DHX37: variants seen among roughly 807,000 people sequenced by gnomAD.
The protein encoded by DHX37 is probable ATP-dependent RNA helicase DHX37.
A neutral mutation model predicts 134.3 loss-of-function variants in DHX37; 52 were observed. The ratio of observed to expected loss-of-function variants is 0.39; its 90% CI spans 0.31 to 0.49. The LOEUF is 0.49. Ranked by LOEUF, DHX37 falls within the 20% of genes least tolerant of loss-of-function variation. DHX37 has a pLI of 0.93. For synonymous variants in DHX37, 634 were observed against 670.7 expected (o/e 0.95, Z 0.85); for missense variants, 1,344 against 1,580.8 (o/e 0.85, Z 2.54).
At chr12:124,954,416 G>GA (rs1434676512) in intron 18 of DHX37, among the ~76,000 whole-genome samples, 1 of 151,326 alleles carries the variant, frequency 6.6e-6, no homozygotes, top group Non-Finnish European at 1.5e-5. Flanking sequence ...TTTTTTTTGA[G>GA]ACAGAGTCTC....
At chr12:124,961,599 T>C (rs1954266736) in intron 15 of DHX37, among the ~76,000 whole-genome samples, 1 of 152,176 alleles carries the variant, frequency 6.6e-6, no homozygotes, top group Non-Finnish European at 1.5e-5. Context: ...CAGCTAATTT[T>C]TGTATTTTTA....
intron 4 of DHX37, among the ~76,000 whole-genome samples, 189 bp from the exon 5 acceptor site, chr12:124,977,679 A>T (rs1954674019): frequency 6.6e-6 from 1 of 152,146 alleles, no homozygotes; most frequent in Non-Finnish European, 1.5e-5. Flanking sequence ...CACATCCTTC[A>T]GGACACCAGG....
chr12:124,988,936 G>A lies in DHX37; in HGVS notation c.87C>T (p.Pro29=), dbSNP rs757893280. Residue 29 remains proline (P), a synonymous_variant, in exon 1 of 27, where the codon CCC becomes CCT. Coordinates refer to ENST00000308736, the MANE Select transcript of DHX37 (RefSeq NM_032656.4). Reference sequence around the variant, plus strand: ...TCTTACCCTCCAGTTCCAGCTGCACGGGGGGCGGCTCGGGGGGGCCCTTCG... The same window carrying A: ...TCTTACCCTCCAGTTCCAGCTGCACAGGGGGCGGCTCGGGGGGGCCCTTCG... The part of the protein sequence containing the change: ...GPSKGPPEPP[P]VQLELEDKDT... The A allele has an allele frequency of 1.5e-6, 2 of 1,335,522 alleles. No homozygotes were observed. Among genetic ancestry groups the A allele is most frequent in the East Asian group, 2.8e-5 (1 of 35,782 alleles). 82.7% of individuals were successfully genotyped at this position (1,335,522 alleles called of 1,614,324 possible).
chr12:124,976,630 C>T (rs1954646641), intron 5 of DHX37, among the ~76,000 whole-genome samples: 1 of 152,088 alleles, frequency 6.6e-6, no homozygotes, highest in African/African-American at 2.4e-5. Context: ...GAGATCGAGA[C>T]CATCCCGGCT....
In DHX37 at chr12:124,959,411, C is replaced by T. The variant is rs148397886; in HGVS notation, c.2157+901G>A. Among the ~76,000 whole-genome samples the T allele has an allele frequency of 7.2e-3, 1,090 of 151,570 alleles. 15 individuals carry two copies. Among genetic ancestry groups the T allele is most frequent in the African/African-American group, 0.024 (1,004 of 41,224 alleles). On this transcript the variant is annotated intron_variant, in intron 16 of 26. Transcript: ENST00000308736. Reference sequence around the variant, plus strand: ...TTTTTTTTTGTATTTTTAGTAGAGACGGGGTTTTGCCATGTTAGCCAGGCT... The same window carrying T: ...TTTTTTTTTGTATTTTTAGTAGAGATGGGGTTTTGCCATGTTAGCCAGGCT...
rs1954674676 is a variant in DHX37 at position 124,977,723 on chromosome 12, G to C, written c.739-233C>G. On this transcript the variant is annotated intron_variant, in intron 4 of 26. Transcript: ENST00000308736. The stretch of plus-strand genomic sequence containing the variant: ...CCCCAGGCACAGCTTGGTTGGGGCA[G>C]AGCAGTCTCTCAGAGATACGGGAAC... Among the ~76,000 whole-genome samples, 2 of 152,186 alleles carry C rather than the reference G, an allele frequency of 1.3e-5. 1 individual carries two copies. Among genetic ancestry groups the C allele is most frequent in the African/African-American group, 4.8e-5 (2 of 41,446 alleles).
intron 21 of DHX37, among the ~76,000 whole-genome samples, chr12:124,951,281 CA>C (rs71092247): frequency 0.87 from 113,482 of 130,022 alleles, 50,110 homozygotes; most frequent in Non-Finnish European, 0.95. Context: ...AACTCCTTCT[CA>C]AAAAAAAAAA....
chr12:124,971,431 G>C lies in DHX37; in HGVS notation c.1078-16C>G. On this transcript the variant is annotated splice_polypyrimidine_tract_variant and intron_variant, in intron 7 of 26. Coordinates refer to ENST00000308736, the MANE Select transcript of DHX37 (RefSeq NM_032656.4). The stretch of plus-strand genomic sequence containing the variant: ...GCAGGAAGTCCTGGGGGGAGGTCCG[G>C]GGTGAGGCCCACCCTTCCAGCCTAA... The C allele has an allele frequency of 4.3e-6, 7 of 1,611,574 alleles. No individual in the cohort carries two copies. The highest frequency in any genetic ancestry group is 5.9e-6 in the Non-Finnish European group (7 of 1,179,364).
chr12:124,985,743 A>AT (rs1279497153), intron 2 of DHX37, among the ~76,000 whole-genome samples: 1 of 150,800 alleles, frequency 6.6e-6, no homozygotes, highest in African/African-American at 2.4e-5. Flanking sequence ...AAAAAAAAAA[A>AT]ATTTTTTTAA....
At chr12:124,985,978 T>C in intron 2 of DHX37, 118 bp downstream of exon 2, 1 of 1,305,972 alleles carries the variant, frequency 7.7e-7, no homozygotes, top group Non-Finnish European at 1.1e-6. Context: ...ACTGGAATTT[T>C]CCTCATTCCA....
chr12:124,957,966 A>G (rs1329624445), intron 16 of DHX37, among the ~76,000 whole-genome samples: 1 of 152,200 alleles, frequency 6.6e-6, no homozygotes, highest in Non-Finnish European at 1.5e-5. Flanking sequence ...GGAGCTTGAG[A>G]ACATCATACT....
intron 16 of DHX37, among the ~76,000 whole-genome samples, chr12:124,959,638 C>T (rs975619759): frequency 6.6e-6 from 1 of 152,170 alleles, no homozygotes; most frequent in Non-Finnish European, 1.5e-5. Context: ...TGTTTGGAAA[C>T]GTAACTGGGA....
intron 16 of DHX37, 27 bp downstream of exon 16, chr12:124,960,285 A>G: frequency 6.3e-7 from 1 of 1,598,870 alleles, no homozygotes; most frequent in Non-Finnish European, 8.6e-7. Context: ...GGGGTGGCTG[A>G]GAGCGGGGCT....
At chr12:124,973,929 C>T (rs1954574966) in intron 6 of DHX37, among the ~76,000 whole-genome samples, 1 of 149,598 alleles carries the variant, frequency 6.7e-6, no homozygotes, top group African/African-American at 2.5e-5. Flanking sequence ...AGGCGTGAGC[C>T]GCCGTGCCCA....
chr12:124,954,009 GA>G lies in DHX37; in HGVS notation c.2579-14del. On this transcript the variant is annotated splice_polypyrimidine_tract_variant and intron_variant, in intron 19 of 26. Coordinates refer to ENST00000308736, the MANE Select transcript of DHX37 (RefSeq NM_032656.4). ...GCTCCCACGGCGCCTGGGGAACGAA[GA>G]GGGGGCATGCTCTCTCTCTGACCCA... 3 of 1,613,652 alleles carry G rather than the reference GA, an allele frequency of 1.9e-6. No homozygotes were observed. The highest frequency in any genetic ancestry group is 1.7e-6 in the Non-Finnish European group (2 of 1,179,962).
intron 21 of DHX37, among the ~76,000 whole-genome samples, chr12:124,951,442 A>G (rs989136847): frequency 1.3e-5 from 2 of 152,216 alleles, no homozygotes; most frequent in Non-Finnish European, 2.9e-5. Context: ...GGAAAGCAGG[A>G]TCATGAAAAC....
intron 3 of DHX37, among the ~76,000 whole-genome samples, chr12:124,981,216 C>T (rs936013261): frequency 3.3e-5 from 5 of 152,148 alleles, no homozygotes; most frequent in African/African-American, 1.2e-4. Context: ...CTGTGCACTG[C>T]TCTATCCCCA....
Position 124,980,516 on chromosome 12 carries a change from G to T in DHX37, c.712C>A (p.Pro238Thr). The change falls in exon 4 of 27, where the codon CCC becomes ACC. Residue 238 changes from proline to threonine, a missense_variant. Transcript: ENST00000308736. This position sits in a 1 kb window ranked among gnomAD's most constrained non-coding sequence, Gnocchi z 5.3. Reference sequence around the variant, plus strand: ...TGCATTTCCGGGGAGCGGTTCACGGGGATGAAGACGGCGGGCTTAGCCAGG... The same window carrying T: ...TGCATTTCCGGGGAGCGGTTCACGGTGATGAAGACGGCGGGCTTAGCCAGG... ...RALAKPAVFI[P>T]VNRSPEMQEE... The T allele has an allele frequency of 6.2e-7, 1 of 1,611,256 alleles. No individual in the cohort carries two copies. The highest frequency in any genetic ancestry group is 1.7e-5 in the Admixed American group (1 of 59,232).
intron 10 of DHX37, among the ~76,000 whole-genome samples, chr12:124,967,948 T>C (rs1335656246): frequency 6.6e-6 from 1 of 151,656 alleles, no homozygotes; most frequent in Non-Finnish European, 1.5e-5. Context: ...GTGCGACCAG[T>C]GTGGGACCTG....
Sources: gnomAD v4.1 joint callset for allele counts (sites outside exome capture counted in the v4.1 genomes callset) on GRCh38, gnomAD v4.1.1 for gene constraint, Gnocchi (gnomAD v3.1) non-coding constraint, MANE v1.5 for transcripts, NCBI Gene and HGNC (gene_info 2026-07-23, HGNC 2026-07-21) for gene names.